The following SYNE2 variants were observed in gnomAD, a reference collection of about 807,000 sequenced individuals.
SYNE2 encodes spectrin repeat containing nuclear envelope protein 2, also known as nesprin-2.
In SYNE2, 431 loss-of-function variants were observed where a neutral mutation model predicts 856.3. That is an observed-to-expected ratio of 0.50 (90% confidence interval 0.47 to 0.55). SYNE2 has a LOEUF of 0.55. Ranked by LOEUF, SYNE2 falls within the 20% of genes least tolerant of loss-of-function variation. The pLI, the probability that SYNE2 is intolerant of heterozygous loss-of-function variation, is 0.00. For synonymous variants in SYNE2, 2,923 were observed against 2,872.3 expected, an observed-to-expected ratio of 1.02 and a Z score of -0.56; for missense variants, 8,129 against 8,023.2, an observed-to-expected ratio of 1.01 and a Z score of -0.50.
At chr14:63,907,643 G>A (rs956112179) in intron 1 of SYNE2, among the ~76,000 whole-genome samples, 4 of 151,766 alleles carry the variant, frequency 2.6e-5, no homozygotes, top group Admixed American at 6.6e-5. Flanking sequence ...ATTCATTCTG[G>A]AATTCAAATC....
At chr14:64,042,281 T>C (rs1567135765) in intron 45 of SYNE2, among the ~76,000 whole-genome samples, 1 of 152,236 alleles carries the variant, frequency 6.6e-6, no homozygotes, top group Non-Finnish European at 1.5e-5. Context: ...AGCAATGTTA[T>C]ATGAATACTA....
At chr14:64,192,300 C>A (rs1251808649) in intron 99 of SYNE2, among the ~76,000 whole-genome samples, 4 of 151,918 alleles carry the variant, frequency 2.6e-5, no homozygotes, top group African/African-American at 7.3e-5. Context: ...CTTCTCGGGC[C>A]CTTGGCACTA....
At chr14:64,119,992 A>C (rs965297463) in intron 67 of SYNE2, among the ~76,000 whole-genome samples, 6 of 152,254 alleles carry the variant, frequency 3.9e-5, no homozygotes, top group African/African-American at 1.4e-4. Flanking sequence ...TGACATCAGA[A>C]ACATAAACCT....
At chr14:63,867,403 G>C (rs1296632422) in intron 1 of SYNE2, among the ~76,000 whole-genome samples, 4 of 139,850 alleles carry the variant, frequency 2.9e-5, no homozygotes, top group African/African-American at 1.0e-4. Flanking sequence ...AAAAAAGAGA[G>C]AGAGAGAGAA....
At chr14:63,887,420 C>T (rs1192527982) in intron 1 of SYNE2, among the ~76,000 whole-genome samples, 5 of 152,190 alleles carry the variant, frequency 3.3e-5, no homozygotes, top group Non-Finnish European at 5.9e-5. Context: ...TTAACTTTTC[C>T]GGTAGGAAGC....
At chr14:64,004,191 AT>A (rs35011962) in intron 30 of SYNE2, among the ~76,000 whole-genome samples, 52,155 of 138,188 alleles carry the variant, frequency 0.38, 9,400 homozygotes, top group African/African-American at 0.42. Flanking sequence ...TGCCTGGCTA[AT>A]TTTTTTTTTT....
chr14:63,877,235 T>TA (rs953967085), intron 1 of SYNE2, among the ~76,000 whole-genome samples: 2 of 151,670 alleles, frequency 1.3e-5, no homozygotes, highest in Admixed American at 6.6e-5. Flanking sequence ...TGCTTTCATA[T>TA]AAAAAAAATA....
intron 11 of SYNE2, among the ~76,000 whole-genome samples, chr14:63,974,759 C>T (rs113573987): frequency 4.9e-4 from 66 of 135,994 alleles, no homozygotes; most frequent in African/African-American, 1.4e-3. Context: ...TATGTATATA[C>T]GTGTGTGTGT....
At chr14:64,009,293 T>C (rs1028005076) in intron 31 of SYNE2, among the ~76,000 whole-genome samples, 3 of 152,230 alleles carry the variant, frequency 2.0e-5, no homozygotes, top group East Asian at 3.9e-4. Flanking sequence ...CCCAGCACTT[T>C]GGGAGGCCAA....
Position 64,113,337 on chromosome 14 carries a change from T to G in SYNE2, c.12610-4T>G, listed in dbSNP as rs1265912294. ...TCCCTGGCTTATCTTTGGATTTCTC[T>G]TAGGGCACCACACCTCCTATTGAGG... On this transcript the variant is annotated splice_region_variant and splice_polypyrimidine_tract_variant and intron_variant, in intron 65 of 115. Coordinates refer to ENST00000555002, the MANE Select transcript of SYNE2 (RefSeq NM_182914.3). 2 of 1,613,684 alleles carry G rather than the reference T, an allele frequency of 1.2e-6. No homozygotes were observed. The highest frequency in any genetic ancestry group is 3.3e-5 in the Admixed American group (2 of 60,022).
At chr14:64,099,456 G>A (rs1368397478) in intron 63 of SYNE2, 1 of 162,760 alleles carries the variant, frequency 6.1e-6, no homozygotes, top group African/African-American at 2.4e-5. Context: ...CTCTCACACA[G>A]AGCAGACCTC....
chr14:63,796,083 T>C (rs994500548), intron 1 of SYNE2, among the ~76,000 whole-genome samples: 4 of 152,214 alleles, frequency 2.6e-5, no homozygotes, highest in Non-Finnish European at 4.4e-5. Flanking sequence ...GTTGTGCAGC[T>C]AATAAGTAGC....
In SYNE2 at chr14:63,978,813, A is replaced by C. The variant is rs751150480; in HGVS notation, c.1407-39A>C. The C allele has an allele frequency of 2.9e-5, 45 of 1,567,806 alleles. No individual in the cohort carries two copies. In the South Asian group the frequency reaches 4.9e-4, roughly 17 times the overall value. On this transcript the variant is annotated intron_variant, in intron 13 of 115. Transcript: ENST00000555002. Reference sequence around the variant, plus strand: ...AACAGATTTCTCACATTTGGTCAATAATATTAAGTTAAATTCCAAAACCTG... The same window carrying C: ...AACAGATTTCTCACATTTGGTCAATCATATTAAGTTAAATTCCAAAACCTG...
chr14:63,970,934 T>C (rs2096466837), intron 11 of SYNE2, among the ~76,000 whole-genome samples: 1 of 152,076 alleles, frequency 6.6e-6, no homozygotes, highest in Non-Finnish European at 1.5e-5. Context: ...ATTACAGACA[T>C]GAGCCACTGT....
At position 63,976,607 on chromosome 14, in the gene SYNE2, C is replaced by G. The variant is rs377189427; in HGVS notation, c.1173C>G (p.Pro391=). 45 of 1,612,142 alleles carry G rather than the reference C, an allele frequency of 2.8e-5. No homozygotes were observed. The highest frequency in any genetic ancestry group is 3.8e-5 in the Non-Finnish European group (45 of 1,179,724). ...KIKLNYALPP[P]LHQTEAWLQE... ...AGCTAAATTATGCCTTGCCCCCACC[C>G]CTCCATCAAACTGAAGCTTGGCTCC... Residue 391 remains proline, a synonymous_variant, in exon 12 of 116, where the codon CCC becomes CCG. Transcript: ENST00000555002.
At chr14:63,907,594 TA>T (rs1249374271) in intron 1 of SYNE2, among the ~76,000 whole-genome samples, 2 of 152,062 alleles carry the variant, frequency 1.3e-5, no homozygotes, top group African/African-American at 2.4e-5. Context: ...TTTTTTTTTT[TA>T]AATAGCGATG....
At chr14:63,946,756 CTG>C (rs974648157) in intron 6 of SYNE2, among the ~76,000 whole-genome samples, 1 of 151,092 alleles carries the variant, frequency 6.6e-6, no homozygotes, top group Admixed American at 6.6e-5. Context: ...AATTCTGACT[CTG>C]TGGCTTGCTT....
chr14:64,107,717 T>G (rs2097780572), intron 65 of SYNE2, 110 bp downstream of exon 65: 1 of 901,808 alleles, frequency 1.1e-6, no homozygotes, highest in East Asian at 2.4e-5. Context: ...AAGTGTTCCT[T>G]GTGAACTTTA....
Position 63,842,443 on chromosome 14 carries a change from T to G in SYNE2, c.-304-10058T>G, listed in dbSNP as rs532091408. Among the ~76,000 whole-genome samples, 5 of 145,840 alleles carry G rather than the reference T, an allele frequency of 3.4e-5. No individual in the cohort carries two copies. The South Asian group carries it at 9.2e-4, about 27-fold the overall frequency. ...CTGGGATTACAGCACTCGGCCCTTTTGCCCATTTTTCTTTTTCTCCTTTTT... is the reference window on the plus strand; with the variant it reads ...CTGGGATTACAGCACTCGGCCCTTTGGCCCATTTTTCTTTTTCTCCTTTTT... On this transcript the variant is annotated intron_variant, in intron 1 of 23. Transcript: ENST00000674003.
Sources: allele counts gnomAD v4.1 joint callset (sites outside exome capture counted in the v4.1 genomes callset), GRCh38; gene constraint gnomAD v4.1.1; transcripts MANE v1.5; gene names NCBI Gene and HGNC (gene_info 2026-07-23, HGNC 2026-07-21).